The following CCDC18 variants were observed in gnomAD, a reference collection of about 807,000 sequenced individuals.
CCDC18 encodes coiled-coil domain containing 18.
Under a neutral mutation model 196.0 loss-of-function variants are expected in CCDC18, and 157 were observed. The ratio of observed to expected loss-of-function variants is 0.80; its 90% confidence interval spans 0.70 to 0.91. The LOEUF is 0.91. Ranked by LOEUF, CCDC18 falls within the 40% of genes least tolerant of loss-of-function variation. CCDC18 has a pLI of 0.00. For missense variants in CCDC18, 1,465 were observed against 1,611.6 expected (o/e 0.91, Z 1.56); for synonymous variants, 482 against 529.2 (o/e 0.91, Z 1.22).
intron 19 of CCDC18, 107 bp downstream of exon 19, chr1:93,236,497 C>A: frequency 9.7e-7 from 1 of 1,026,828 alleles, no homozygotes; most frequent in Non-Finnish European, 1.4e-6. Flanking sequence ...GAATTAATGT[C>A]TCCATAGTCT....
intron 21 of CCDC18, among the ~76,000 whole-genome samples, chr1:93,240,550 A>C (rs1660629116): frequency 6.6e-6 from 1 of 152,204 alleles, no homozygotes; most frequent in South Asian, 2.1e-4. Flanking sequence ...TAAAATGTGA[A>C]ATAAAAGAAC....
At chr1:93,259,059 T>G (rs1663426453) in intron 26 of CCDC18, among the ~76,000 whole-genome samples, 174 bp downstream of exon 26, 1 of 152,150 alleles carries the variant, frequency 6.6e-6, no homozygotes, top group African/African-American at 2.4e-5. Flanking sequence ...GTTAAGAGCT[T>G]GAATTCCTGA....
chr1:93,278,615 G>A lies in CCDC18; in HGVS notation c.*138G>A. On this transcript the variant is annotated 3_prime_UTR_variant, in exon 29 of 29. Transcript: ENST00000690025. Reference sequence around the variant, plus strand: ...TTATATTTCAATATTTTAAAAGAAAGCCCTTCTAAAACTTAATTATATTTT... The same window carrying A: ...TTATATTTCAATATTTTAAAAGAAAACCCTTCTAAAACTTAATTATATTTT... 2.6e-6 allele frequency: 1 copy of A among 391,986 alleles called. No individual in the cohort carries two copies. The highest frequency in any genetic ancestry group is 4.5e-6 in the Non-Finnish European group (1 of 221,048). The allele number at this position is 391,986 out of a possible 1,614,324, so 24.3% of individuals were successfully genotyped here.
At chr1:93,213,090 G>A (rs1377524536) in intron 11 of CCDC18, among the ~76,000 whole-genome samples, 2 of 152,128 alleles carry the variant, frequency 1.3e-5, no homozygotes, top group African/African-American at 2.4e-5. Flanking sequence ...TCTGACAGGA[G>A]GTAGAGCTCC....
At chr1:93,264,667 A>ATTTTT in intron 26 of CCDC18, 34 bp from the exon 27 acceptor site, 1 of 1,320,042 alleles carries the variant, frequency 7.6e-7, no homozygotes, top group Non-Finnish European at 1.1e-6. Context: ...CCATTTTTTT[A>ATTTTT]TTTTTTTTCT....
At chr1:93,205,373 A>G in intron 7 of CCDC18, 137 bp from the exon 8 acceptor site, 1 of 673,730 alleles carries the variant, frequency 1.5e-6, no homozygotes, top group South Asian at 2.3e-5. Context: ...TCTTTTCACT[A>G]CAAGGCTGGG....
intron 17 of CCDC18, among the ~76,000 whole-genome samples, chr1:93,227,967 A>ATATAT (rs1176767918): frequency 1.1e-3 from 122 of 108,698 alleles, no homozygotes; most frequent in African/African-American, 6.2e-3. Context: ...CAAAAAAAAA[A>ATATAT]AAAAATATAT....
Position 93,183,346 on chromosome 1 carries a change from A to T in CCDC18, c.-2-14A>T, listed in dbSNP as rs1650056683. ...CTTTCAGACAAGGTACAAGAAATTC[A>T]TTTTTTTTTTAAGAAATGGAATCTA... On this transcript the variant is annotated splice_polypyrimidine_tract_variant and intron_variant, in intron 1 of 28. Coordinates refer to ENST00000690025, the MANE Select transcript of CCDC18 (RefSeq NM_001378204.1). 7.2e-7 allele frequency: 1 copy of T among 1,395,688 alleles called. No homozygotes were observed. Among genetic ancestry groups the T allele is most frequent in the Non-Finnish European group, 9.7e-7 (1 of 1,030,290 alleles). 86.5% of individuals were successfully genotyped at this position (1,395,688 alleles called of 1,614,324 possible). A position where few individuals can be genotyped will look rare whatever the true frequency, so the allele number is the denominator to read the frequency against.
intron 26 of CCDC18, among the ~76,000 whole-genome samples, chr1:93,263,975 G>C (rs895149701): frequency 6.6e-6 from 1 of 152,142 alleles, no homozygotes; most frequent in Non-Finnish European, 1.5e-5. Flanking sequence ...AATGGTGACA[G>C]TTGCAGGGTA....
At chr1:93,208,026 T>A (rs1054161853) in intron 9 of CCDC18, among the ~76,000 whole-genome samples, 1 of 106,846 alleles carries the variant, frequency 9.4e-6, no homozygotes, top group Non-Finnish European at 2.4e-5. Flanking sequence ...CACTGGCTGA[T>A]GGACATTTGG....
rs1165929871 is a variant in CCDC18 at position 93,232,429 on chromosome 1, T to C, written c.2296T>C (p.Tyr766His). The C allele has an allele frequency of 8.9e-6, 14 of 1,571,430 alleles. No individual in the cohort carries two copies. Among genetic ancestry groups the C allele is most frequent in the Middle Eastern group, 3.4e-4 (2 of 5,910 alleles). The change falls in exon 18 of 29, where the codon TAT becomes CAT. Residue 766 changes from tyrosine (Y) to histidine (H), a missense_variant. By Grantham distance (83) the Tyr-to-His change is moderately conservative (BLOSUM62 2). Transcript: ENST00000690025. ...KQLKKKSEEV[Y>H]CLQKELKIKN... Reference sequence around the variant, plus strand: ...GATATATATATATATTTGCCAGGTATATTGTTTACAGAAAGAGCTAAAGAT... The same window carrying C: ...GATATATATATATATTTGCCAGGTACATTGTTTACAGAAAGAGCTAAAGAT...
At chr1:93,214,049 T>C (rs1384348740) in intron 11 of CCDC18, among the ~76,000 whole-genome samples, 1 of 152,168 alleles carries the variant, frequency 6.6e-6, no homozygotes, top group East Asian at 1.9e-4. Context: ...GAGATGTGTA[T>C]GTTTATAGTG....
At chr1:93,254,078 A>G (rs1008875099) in intron 23 of CCDC18, among the ~76,000 whole-genome samples, 29 of 152,308 alleles carry the variant, frequency 1.9e-4, no homozygotes, top group African/African-American at 6.7e-4. Context: ...ACAGACTTCT[A>G]TAAGCTAAAA....
chr1:93,180,954 C>G, intron 1 of CCDC18, 102 bp downstream of exon 1: 2 of 1,116,476 alleles, frequency 1.8e-6, no homozygotes, highest in South Asian at 1.2e-5. Context: ...CTCCCGGCAC[C>G]TTGGATGCGC....
intron 13 of CCDC18, among the ~76,000 whole-genome samples, 189 bp downstream of exon 13, chr1:93,216,935 C>CT (rs397980840): frequency 0.037 from 4,923 of 132,702 alleles, 164 homozygotes; most frequent in Non-Finnish European, 0.056. Flanking sequence ...CAAGTTTTCT[C>CT]TTTTTTTTTT....
intron 25 of CCDC18, among the ~76,000 whole-genome samples, chr1:93,258,111 T>A (rs970771882): frequency 1.3e-5 from 2 of 149,844 alleles, no homozygotes; most frequent in Admixed American, 6.9e-5. Context: ...AAAAATTAAT[T>A]AATAATAATT....
At chr1:93,264,164 AACTC>A (rs1348365484) in intron 26 of CCDC18, among the ~76,000 whole-genome samples, 1 of 152,110 alleles carries the variant, frequency 6.6e-6, no homozygotes, top group Non-Finnish European at 1.5e-5. Flanking sequence ...ATCTCATGAG[AACTC>A]ACTATCATGA....
intron 23 of CCDC18, among the ~76,000 whole-genome samples, chr1:93,248,221 G>A (rs557691035): frequency 2.0e-5 from 3 of 151,210 alleles, no homozygotes; most frequent in Admixed American, 1.3e-4. Context: ...CACCATCTTG[G>A]CCAGGCTGGT....
chr1:93,240,473 A>G (rs987043151), intron 21 of CCDC18, among the ~76,000 whole-genome samples: 6 of 152,222 alleles, frequency 3.9e-5, no homozygotes, highest in South Asian at 2.1e-4. Context: ...GGAGGTGTAC[A>G]GCCAGATTAG....
Sources: gnomAD v4.1 joint callset for allele counts (sites outside exome capture counted in the v4.1 genomes callset) on GRCh38, gnomAD v4.1.1 for gene constraint, MANE v1.5 for transcripts, NCBI Gene and HGNC (gene_info 2026-07-23, HGNC 2026-07-21) for gene names.